The following GTF2H3 variants were observed in gnomAD, a reference collection of about 807,000 sequenced individuals.
The protein encoded by GTF2H3 is TFIIH basal transcription factor complex p34 subunit.
In GTF2H3, 42 loss-of-function variants were observed where a neutral mutation model predicts 51.1. The observed-to-expected ratio is 0.82, with a 90% confidence interval of 0.64 to 1.06. GTF2H3 has a LOEUF of 1.06. Ranked by LOEUF, GTF2H3 falls within the 50% of genes least tolerant of loss-of-function variation. The probability of loss-of-function intolerance (pLI) is 0.00; values close to 1 mark genes in which losing one functional copy is unlikely to be tolerated. For missense variants in GTF2H3, 326 were observed against 366.1 expected (o/e 0.89, Z 0.89); for synonymous variants, 123 against 123.8 (o/e 0.99, Z 0.04).
chr12:123,648,081 G>A lies in GTF2H3; in HGVS notation c.319G>A (p.Ala107Thr), dbSNP rs181672935. The A allele has an allele frequency of 3.1e-6, 5 of 1,610,094 alleles. No homozygotes were observed. The Admixed American group carries it at 8.4e-5, about 27-fold the overall frequency. Residue 107 changes from alanine (A) to threonine (T), a missense_variant, in exon 4 of 13, where the codon GCA (alanine) becomes ACA (threonine). Coordinates refer to ENST00000543341, the MANE Select transcript of GTF2H3 (RefSeq NM_001516.5). ...KDGKYELLTS[A>T]NEVIVEEIKD... ...TGGAAAATACGAACTTTTAACCTCAGCAAATGAAGTTATTGTTGAAGAGAT... is the reference window on the plus strand; with the variant it reads ...TGGAAAATACGAACTTTTAACCTCAACAAATGAAGTTATTGTTGAAGAGAT...
chr12:123,659,484 G>A (rs1248162891), intron 9 of GTF2H3, 32 bp from the exon 10 acceptor site: 4 of 1,609,168 alleles, frequency 2.5e-6, no homozygotes, highest in South Asian at 2.2e-5. Context: ...AGGTAAGTGC[G>A]AGTTTGGCAG....
chr12:123,642,447 G>T (rs555673915), intron 2 of GTF2H3, among the ~76,000 whole-genome samples: 1 of 152,260 alleles, frequency 6.6e-6, no homozygotes, highest in South Asian at 2.1e-4. Context: ...GGGATTACAG[G>T]CATGAGCCAC....
At position 123,648,012 on chromosome 12, in the gene GTF2H3, G is replaced by A; in HGVS notation, c.250G>A (p.Asp84Asn). Reference protein sequence around the residue: ...KNGRLGDFFGDPGNPPEFNPS... With the variant: ...KNGRLGDFFGNPGNPPEFNPS... ...TGGCAGACTTGGAGACTTCTTCGGAGACCCTGGCAACCCTCCTGAATTTAA... is the reference window on the plus strand; with the variant it reads ...TGGCAGACTTGGAGACTTCTTCGGAAACCCTGGCAACCCTCCTGAATTTAA... Residue 84 changes from aspartate (D) to asparagine (N), a missense_variant, in exon 4 of 13, where the codon GAC (aspartate) becomes AAC (asparagine). Transcript: ENST00000543341. 1.2e-6 allele frequency: 2 copies of A among 1,613,468 alleles called. No homozygotes were observed. The highest frequency in any genetic ancestry group is 8.5e-7 in the Non-Finnish European group (1 of 1,179,494).
chr12:123,660,149 C>T lies in GTF2H3; in HGVS notation c.858-17C>T, dbSNP rs761013540. On this transcript the variant is annotated splice_polypyrimidine_tract_variant and intron_variant, in intron 12 of 12. Coordinates refer to ENST00000543341, the MANE Select transcript of GTF2H3 (RefSeq NM_001516.5). ...GCTCTAGAACATTAAAAAATGTTTT[C>T]CTCTCTGTAATTTCAGGACAGCCTT... 3.1e-6 allele frequency: 5 copies of T among 1,607,706 alleles called. No individual in the cohort carries two copies. The African/African-American group carries it at 6.7e-5, about 22-fold the overall frequency.
At chr12:123,645,766 C>T (rs1056003452) in intron 3 of GTF2H3, among the ~76,000 whole-genome samples, 7 of 152,190 alleles carry the variant, frequency 4.6e-5, no homozygotes, top group Non-Finnish European at 8.8e-5. Context: ...AGTAGAGTTA[C>T]ACAATGGCCC....
intron 2 of GTF2H3, chr12:123,640,065 G>C: frequency 2.3e-6 from 1 of 428,376 alleles, no homozygotes. Flanking sequence ...TTGCCATGTT[G>C]GCCAGGCTGG....
At chr12:123,646,689 A>T (rs185388453) in intron 3 of GTF2H3, among the ~76,000 whole-genome samples, 24 of 152,268 alleles carry the variant, frequency 1.6e-4, no homozygotes, top group African/African-American at 5.1e-4. Flanking sequence ...GAGAGAGCCC[A>T]TGGGCCACCA....
intron 5 of GTF2H3, 85 bp downstream of exon 5, chr12:123,651,141 C>T: frequency 1.1e-6 from 1 of 951,016 alleles, no homozygotes; most frequent in African/African-American, 1.6e-5. Flanking sequence ...ACCTTGGGTG[C>T]CCATTACTGG....
At chr12:123,659,257 C>G in intron 9 of GTF2H3, 1 of 411,380 alleles carries the variant, frequency 2.4e-6, no homozygotes, top group Non-Finnish European at 4.4e-6. Flanking sequence ...ATCCCAGTTA[C>G]TGGGGAAGCT....
intron 3 of GTF2H3, among the ~76,000 whole-genome samples, chr12:123,647,252 G>A (rs552338398): frequency 3.3e-5 from 5 of 151,838 alleles, no homozygotes; most frequent in African/African-American, 9.7e-5. Flanking sequence ...GATTACTTGA[G>A]GTCAGTTTGA....
At chr12:123,654,557 G>A (rs759200951) in intron 7 of GTF2H3, among the ~76,000 whole-genome samples, 2 of 151,604 alleles carry the variant, frequency 1.3e-5, no homozygotes, top group Non-Finnish European at 2.9e-5. Flanking sequence ...TTGGGTGTGT[G>A]TGTGTATTTT....
At chr12:123,651,958 A>C (rs556595686) in intron 5 of GTF2H3, among the ~76,000 whole-genome samples, 1 of 152,276 alleles carries the variant, frequency 6.6e-6, no homozygotes, top group East Asian at 1.9e-4. Flanking sequence ...TATTTTGATA[A>C]ATTCAGACTT....
Position 123,648,643 on chromosome 12 carries a change from C to T in GTF2H3, c.364+517C>T, listed in dbSNP as rs183866810. ...GTCTCATTATCTTTGCTCTCACTCA[C>T]ACCACCATTTCCATTCCCTATTTCT... is the stretch of plus-strand genomic sequence containing the variant. On this transcript the variant is annotated intron_variant, in intron 4 of 12. Transcript: ENST00000543341. 1.7e-3 allele frequency among the ~76,000 whole-genome samples: 257 copies of T among 152,304 alleles called. 1 individual carries two copies. The highest frequency in any genetic ancestry group is 2.7e-3 in the Non-Finnish European group (187 of 68,026).
chr12:123,647,711 C>G (rs1045737632), intron 3 of GTF2H3, among the ~76,000 whole-genome samples: 1 of 152,348 alleles, frequency 6.6e-6, no homozygotes, highest in East Asian at 1.9e-4. Context: ...ACACTGGAAT[C>G]AGTAAAACAT....
At position 123,651,267 on chromosome 12, in the gene GTF2H3, G is replaced by T. The variant is rs113228730; in HGVS notation, c.427+211G>T. ...ACTCTGTCGCCCAAGTTGGAGTGCA[G>T]TGGCACAATCTCGGCTCACTGCAAC... is the stretch of plus-strand genomic sequence containing the variant. On this transcript the variant is annotated intron_variant, in intron 5 of 12. Transcript: ENST00000543341. 7.3e-3 allele frequency: 2,915 copies of T among 400,366 alleles called. 76 individuals carry two copies. Among genetic ancestry groups the T allele is most frequent in the African/African-American group, 0.054 (2,653 of 48,742 alleles). The allele number at this position is 400,366 out of a possible 1,614,324, so 24.8% of individuals were successfully genotyped here. A position where few individuals can be genotyped will look rare whatever the true frequency, so the allele number is the denominator to read the frequency against.
intron 7 of GTF2H3, among the ~76,000 whole-genome samples, chr12:123,653,117 A>G (rs1401362754): frequency 1.3e-5 from 2 of 152,156 alleles, no homozygotes; most frequent in African/African-American, 2.4e-5. Flanking sequence ...AAAAGAAAAC[A>G]TAATGGGAAA....
rs147119955 is a variant in GTF2H3 at position 123,645,502 on chromosome 12, G to T, written c.141G>T (p.Ser47=). 87 of 1,610,074 alleles carry T rather than the reference G, an allele frequency of 5.4e-5. No individual in the cohort carries two copies. Among genetic ancestry groups the T allele is most frequent in the Non-Finnish European group, 7.1e-5 (84 of 1,176,658 alleles). The change falls in exon 3 of 13, where the codon TCG becomes TCT. Residue 47 remains serine (S), a synonymous_variant. Transcript: ENST00000543341. ...ATGCCGTGATGGTGCTGGGAAATTC[G>T]CATTTATTCATGAATCGTTCCAACA... ...CIDAVMVLGN[S]HLFMNRSNKL...
intron 7 of GTF2H3, among the ~76,000 whole-genome samples, chr12:123,654,529 T>G (rs1955560831): frequency 6.6e-6 from 1 of 151,224 alleles, no homozygotes. Flanking sequence ...GGGTGTGTAT[T>G]TTGGAGTGTG....
intron 1 of GTF2H3, among the ~76,000 whole-genome samples, chr12:123,635,309 G>A (rs894193916): frequency 2.6e-5 from 4 of 152,072 alleles, no homozygotes; most frequent in Non-Finnish European, 5.9e-5. Context: ...AGTGGCTCAC[G>A]CCTGTAATCC....
Sources: gnomAD v4.1 joint callset for allele counts (sites outside exome capture counted in the v4.1 genomes callset) on GRCh38, gnomAD v4.1.1 for gene constraint, MANE v1.5 for transcripts, NCBI Gene and HGNC (gene_info 2026-07-23, HGNC 2026-07-21) for gene names.